Variants in TOM1L1 observed in about 807,000 individuals in gnomAD.
The protein encoded by TOM1L1 is target of myb1 like 1 membrane trafficking protein.
Under a neutral mutation model 63.4 loss-of-function variants are expected in TOM1L1, and 64 were observed. The observed-to-expected ratio is 1.01, with a 90% CI of 0.83 to 1.24. The LOEUF (loss-of-function observed/expected upper bound fraction) is 1.24. Among genes scored for constraint, TOM1L1 ranks in the 50% most tolerant of loss-of-function variants. TOM1L1 has a pLI of 0.00. For missense variants in TOM1L1, 536 were observed against 567.0 expected, an observed-to-expected ratio of 0.95 and a Z score of 0.55; for synonymous variants, 166 against 194.4, an observed-to-expected ratio of 0.85 and a Z score of 1.22.
At chr17:54,930,434 G>T (rs920534484) in intron 8 of TOM1L1, 4 of 459,182 alleles carry the variant, frequency 8.7e-6, no homozygotes, top group African/African-American at 4.0e-5. Context: ...GCCCAGCATG[G>T]TGGCTCCCAG....
intron 7 of TOM1L1, among the ~76,000 whole-genome samples, chr17:54,928,176 G>A (rs1001521551): frequency 6.6e-6 from 1 of 152,010 alleles, no homozygotes; most frequent in Admixed American, 6.6e-5. Flanking sequence ...CTGGATAATA[G>A]CATATTACAG....
chr17:54,955,283 A>G (rs35551341), intron 14 of TOM1L1: 44,745 of 152,138 alleles, frequency 0.29, 6,911 homozygotes, highest in African/African-American at 0.35. Context: ...CATGGAGACA[A>G]TGAAGTAGTT....
intron 7 of TOM1L1, among the ~76,000 whole-genome samples, chr17:54,920,787 A>G (rs1297396833): frequency 6.6e-6 from 1 of 152,260 alleles, no homozygotes; most frequent in East Asian, 1.9e-4. Flanking sequence ...GCTGGTTTCC[A>G]AAAGAATCTA....
chr17:54,960,411 A>G (rs1374893658), intron 14 of TOM1L1, among the ~76,000 whole-genome samples, 155 bp from the exon 15 acceptor site: 1 of 152,202 alleles, frequency 6.6e-6, no homozygotes, highest in Admixed American at 6.5e-5. Flanking sequence ...TAAATAAACT[A>G]GAATACACAC....
At chr17:54,948,473 CAG>C (rs1249539436) in intron 12 of TOM1L1, among the ~76,000 whole-genome samples, 1 of 152,176 alleles carries the variant, frequency 6.6e-6, no homozygotes, top group Non-Finnish European at 1.5e-5. Context: ...TCCCCCACTT[CAG>C]AGACTGTGAA....
chr17:54,944,414 C>T (rs2049083946), intron 11 of TOM1L1, among the ~76,000 whole-genome samples: 1 of 150,772 alleles, frequency 6.6e-6, no homozygotes, highest in Non-Finnish European at 1.5e-5. Flanking sequence ...CGTGCCACTG[C>T]ACTCCAGCCT....
At chr17:54,930,764 C>T (rs1441906177) in intron 8 of TOM1L1, among the ~76,000 whole-genome samples, 5 of 152,108 alleles carry the variant, frequency 3.3e-5, no homozygotes, top group African/African-American at 4.8e-5. Flanking sequence ...ATTGCTTGAA[C>T]CTGGGAGGTG....
At chr17:54,936,137 C>A (rs1381404587) in intron 8 of TOM1L1, among the ~76,000 whole-genome samples, 2 of 149,722 alleles carry the variant, frequency 1.3e-5, no homozygotes, top group African/African-American at 2.4e-5. Flanking sequence ...AAAAAAAAAA[C>A]CACAGTGAAA....
chr17:54,926,970 A>G (rs1479752715), intron 7 of TOM1L1, among the ~76,000 whole-genome samples: 2 of 152,188 alleles, frequency 1.3e-5, no homozygotes, highest in African/African-American at 4.8e-5. Flanking sequence ...ACGTGAGGCA[A>G]TTTCAAGGCA....
At chr17:54,906,084 C>T (rs1413978838) in intron 3 of TOM1L1, among the ~76,000 whole-genome samples, 1 of 152,084 alleles carries the variant, frequency 6.6e-6, no homozygotes, top group Non-Finnish European at 1.5e-5. Flanking sequence ...GCAGGACAAT[C>T]ACTTGAGCCC....
intron 14 of TOM1L1, among the ~76,000 whole-genome samples, chr17:54,958,788 C>A (rs1477274043): frequency 1.4e-5 from 2 of 143,800 alleles, no homozygotes; most frequent in African/African-American, 5.1e-5. Flanking sequence ...GCATTTACTA[C>A]AAGAAGAGAT....
At chr17:54,949,843 T>TA (rs1263905526) in intron 13 of TOM1L1, among the ~76,000 whole-genome samples, 2 of 152,226 alleles carry the variant, frequency 1.3e-5, no homozygotes, top group Non-Finnish European at 2.9e-5. Flanking sequence ...AATGCTAAGG[T>TA]AAATGAATCT....
At chr17:54,959,105 A>C (rs1312883246) in intron 14 of TOM1L1, 3 of 152,224 alleles carry the variant, frequency 2.0e-5, no homozygotes, top group African/African-American at 4.8e-5. Context: ...AGAGTGAAGA[A>C]GACTGAAATC....
At chr17:54,912,984 C>T (rs2143771277) in intron 4 of TOM1L1, among the ~76,000 whole-genome samples, 169 bp downstream of exon 4, 1 of 152,164 alleles carries the variant, frequency 6.6e-6, no homozygotes, top group Non-Finnish European at 1.5e-5. Flanking sequence ...TGGATGGTGC[C>T]CTTTTTCTGA....
chr17:54,933,742 C>T (rs1380412261), intron 8 of TOM1L1, among the ~76,000 whole-genome samples: 1 of 152,106 alleles, frequency 6.6e-6, no homozygotes, highest in East Asian at 1.9e-4. Context: ...AGGATGGTCT[C>T]GATCTCTTGA....
Position 54,947,247 on chromosome 17 carries a change from T to C in TOM1L1, c.1131-14T>C. On this transcript the variant is annotated splice_polypyrimidine_tract_variant and intron_variant, in intron 11 of 15. Transcript: ENST00000575882. ...ACTGTAGGGTAATCATTCTGTGTTA[T>C]CACACTATCCTAGGTTTGCCCAAAG... is the stretch of plus-strand genomic sequence containing the variant. 3.1e-6 allele frequency: 5 copies of C among 1,613,868 alleles called. No homozygotes were observed. The highest frequency in any genetic ancestry group is 1.1e-5 in the South Asian group (1 of 91,076).
chr17:54,951,285 G>A (rs1352610084), intron 14 of TOM1L1, among the ~76,000 whole-genome samples: 1 of 152,174 alleles, frequency 6.6e-6, no homozygotes, highest in African/African-American at 2.4e-5. Context: ...TGGAGTTTCC[G>A]TGCCCTCCCT....
At position 54,952,546 on chromosome 17, in the gene TOM1L1, CAAAAAAAAAA is replaced by C. The variant is rs71159275; in HGVS notation, c.1370+2433_1370+2442del. On this transcript the variant is annotated intron_variant, in intron 14 of 15. Transcript: ENST00000575882. ...CCTGGGCAACAGAGCGAGACTGTCT[CAAAAAAAAAA>C]AAAAAAAAAAAATATGGCTGCTGAT... 2.3e-3 allele frequency: 208 copies of C among 90,172 alleles called. 1 individual carries two copies. The highest frequency in any genetic ancestry group is 8.5e-3 in the African/African-American group (199 of 23,538). The allele number at this position is 90,172 out of a possible 1,614,324, so 5.6% of individuals were successfully genotyped here. A position where few individuals can be genotyped will look rare whatever the true frequency, so the allele number is the denominator to read the frequency against.
rs913051844 is a variant in TOM1L1, at chr17:54,947,170, G to C, written c.1131-91G>C. On this transcript the variant is annotated intron_variant, in intron 11 of 15. Transcript: ENST00000575882. ...TTATGCAGTCTGAAGGTACCTTTTA[G>C]GTTTTGTTTTTAGACTAGGAAAATT... The C allele has an allele frequency of 1.2e-5, 15 of 1,237,152 alleles. No homozygotes were observed. The African/African-American group carries it at 2.2e-4, about 18-fold the overall frequency. 76.6% of individuals were successfully genotyped at this position (1,237,152 alleles called of 1,614,324 possible). A position where few individuals can be genotyped will look rare whatever the true frequency, so the allele number is the denominator to read the frequency against.
Sources: allele counts gnomAD v4.1 joint callset (sites outside exome capture counted in the v4.1 genomes callset), GRCh38; gene constraint gnomAD v4.1.1; transcripts MANE v1.5; gene names NCBI Gene and HGNC (gene_info 2026-07-23, HGNC 2026-07-21).